Variants in ETFBKMT observed in about 807,000 individuals in gnomAD.
ETFBKMT encodes electron transfer flavoprotein beta subunit lysine methyltransferase.
In ETFBKMT, 13 loss-of-function variants were observed where a neutral mutation model predicts 18.3. That is an observed-to-expected ratio of 0.71 (90% confidence interval 0.46 to 1.13). The LOEUF (loss-of-function observed/expected upper bound fraction) is 1.13, where lower values mean the gene tolerates loss of function less well. Ranked by LOEUF, ETFBKMT falls within the 50% of genes most tolerant of loss-of-function variation. The pLI, the probability that ETFBKMT is intolerant of heterozygous loss-of-function variation, is 0.00. For synonymous variants in ETFBKMT, 84 were observed against 107.9 expected (o/e 0.78, Z 1.37); for missense variants, 293 against 306.2 (o/e 0.96, Z 0.32).
chr12:31,661,691 C>A (rs541898429), intron 1 of ETFBKMT, 150 bp from the exon 2 acceptor site: 111 of 371,894 alleles, frequency 3.0e-4, no homozygotes, highest in African/African-American at 2.2e-3. Flanking sequence ...GAACACCTGA[C>A]CTCGTGATCC....
At position 31,668,363 on chromosome 12, in the gene ETFBKMT, C is replaced by G. The variant is rs1050346363; in HGVS notation, c.*373C>G. The G allele has an allele frequency of 6.2e-6, 1 of 162,098 alleles. No homozygotes were observed. The highest frequency in any genetic ancestry group is 2.5e-5 in the African/African-American group (1 of 40,730). 10.0% of individuals were successfully genotyped at this position (162,098 alleles called of 1,614,324 possible). ...GTGATGTAACTTTGAATTAAACAAA[C>G]AAAACAAAACAGAAGAAGACTATAT... is the stretch of plus-strand genomic sequence containing the variant. On this transcript the variant is annotated 3_prime_UTR_variant, in exon 4 of 4. Coordinates refer to ENST00000357721, the MANE Select transcript of ETFBKMT (RefSeq NM_001135863.2).
chr12:31,655,538 A>C (rs77338948), upstream of ETFBKMT, among the ~76,000 whole-genome samples: 2,800 of 152,318 alleles, frequency 0.018, 33 homozygotes, highest in South Asian at 0.031. Flanking sequence ...TTATCTTCCC[A>C]AGTGCAAAAA....
rs1951214657 is a variant in ETFBKMT at position 31,667,629 on chromosome 12, GC to G, written c.446-17del. On this transcript the variant is annotated splice_polypyrimidine_tract_variant and intron_variant, in intron 3 of 3. Transcript: ENST00000357721. Reference sequence around the variant, plus strand: ...CCTAGCATATACCAATTCATTTTGTGCTTTTTTTTTTTTTAAGTTGCAGGAA... The same window carrying G: ...CCTAGCATATACCAATTCATTTTGTGTTTTTTTTTTTTTAAGTTGCAGGAA... The G allele has an allele frequency of 7.8e-7, 1 of 1,278,202 alleles. No individual in the cohort carries two copies. Among genetic ancestry groups the G allele is most frequent in the Non-Finnish European group, 1.1e-6 (1 of 898,362 alleles). 79.2% of individuals were successfully genotyped at this position (1,278,202 alleles called of 1,614,324 possible). A position where few individuals can be genotyped will look rare whatever the true frequency, so the allele number is the denominator to read the frequency against.
chr12:31,670,972 A>G lies in ETFBKMT; in HGVS notation c.*2982A>G, dbSNP rs1396083746. 6.6e-6 allele frequency: 1 copy of G among 152,204 alleles called. No individual in the cohort carries two copies. Among genetic ancestry groups the G allele is most frequent in the Non-Finnish European group, 1.5e-5 (1 of 68,038 alleles). The allele number at this position is 152,204 out of a possible 1,614,324, so 9.4% of individuals were successfully genotyped here. A position where few individuals can be genotyped will look rare whatever the true frequency, so the allele number is the denominator to read the frequency against. ...GAATACTGGGTACTGGATGGGGTACAGATATTTTAAACAGAGTGGTGAGAA... is the reference window on the plus strand; with the variant it reads ...GAATACTGGGTACTGGATGGGGTACGGATATTTTAAACAGAGTGGTGAGAA... On this transcript the variant is annotated 3_prime_UTR_variant, in exon 4 of 4. Coordinates refer to ENST00000357721, the MANE Select transcript of ETFBKMT (RefSeq NM_001135863.2).
At chr12:31,653,307 T>C (rs1348632047) in intron 1 of ETFBKMT, among the ~76,000 whole-genome samples, 1 of 152,218 alleles carries the variant, frequency 6.6e-6, no homozygotes. Flanking sequence ...TTGTTTTTGC[T>C]TTTACTGTTT....
upstream of ETFBKMT, among the ~76,000 whole-genome samples, chr12:31,654,929 G>A (rs948427006): frequency 4.6e-5 from 7 of 151,930 alleles, no homozygotes; most frequent in African/African-American, 9.7e-5. Context: ...GGTGGTTCAC[G>A]CCTGTAATCC....
chr12:31,651,713 A>C (rs1380664305), intron 1 of ETFBKMT, among the ~76,000 whole-genome samples: 1 of 152,182 alleles, frequency 6.6e-6, no homozygotes, highest in Admixed American at 6.5e-5. Flanking sequence ...CTATACAGAT[A>C]AACTTACTAA....
chr12:31,671,380 C>T lies in ETFBKMT; in HGVS notation c.*3390C>T, dbSNP rs971280869. 4.6e-5 allele frequency: 7 copies of T among 152,186 alleles called. No homozygotes were observed. Among genetic ancestry groups the T allele is most frequent in the African/African-American group, 1.2e-4 (5 of 41,440 alleles). The allele number at this position is 152,186 out of a possible 1,614,324, so 9.4% of individuals were successfully genotyped here. On this transcript the variant is annotated 3_prime_UTR_variant, in exon 4 of 4. Coordinates refer to ENST00000357721, the MANE Select transcript of ETFBKMT (RefSeq NM_001135863.2). ...AGCATACTTACCCCGTTTTTCACTACATCAGAGGCAAAATAAGAAATCTTT... is the reference window on the plus strand; with the variant it reads ...AGCATACTTACCCCGTTTTTCACTATATCAGAGGCAAAATAAGAAATCTTT...
chr12:31,662,410 C>A, intron 2 of ETFBKMT, 143 bp downstream of exon 2: 1 of 717,182 alleles, frequency 1.4e-6, no homozygotes, highest in Non-Finnish European at 2.3e-6. Flanking sequence ...AGGCTGTAAG[C>A]TGTGATCCTG....
chr12:31,651,558 G>A (rs1384326047), intron 1 of ETFBKMT, among the ~76,000 whole-genome samples: 1 of 152,112 alleles, frequency 6.6e-6, no homozygotes, highest in Middle Eastern at 3.2e-3. Context: ...TGGAACTCCT[G>A]ACCTCAGGTG....
intron 2 of ETFBKMT, among the ~76,000 whole-genome samples, chr12:31,664,392 T>C (rs1313387808): frequency 6.6e-6 from 1 of 152,186 alleles, no homozygotes; most frequent in African/African-American, 2.4e-5. Flanking sequence ...TTTTAGTCTT[T>C]GTTTTAGCAG....
upstream of ETFBKMT, among the ~76,000 whole-genome samples, chr12:31,654,870 A>G (rs1165460829): frequency 2.0e-5 from 3 of 152,144 alleles, no homozygotes; most frequent in Non-Finnish European, 2.9e-5. Context: ...AGCCTGGCTA[A>G]CATGGTGAAA....
chr12:31,658,413 A>G (rs1222866325), upstream of ETFBKMT, among the ~76,000 whole-genome samples: 1 of 152,234 alleles, frequency 6.6e-6, no homozygotes, highest in East Asian at 1.9e-4. Flanking sequence ...ACAAGAATGT[A>G]GCAAATACAC....
intron 2 of ETFBKMT, among the ~76,000 whole-genome samples, chr12:31,665,553 C>T (rs946172123): frequency 4.6e-5 from 7 of 151,838 alleles, no homozygotes; most frequent in Non-Finnish European, 1.0e-4. Context: ...CTGGGGAGAC[C>T]CTAACCCAGT....
upstream of ETFBKMT, among the ~76,000 whole-genome samples, chr12:31,654,246 C>T (rs1951041579): frequency 6.6e-6 from 1 of 152,180 alleles, no homozygotes; most frequent in Admixed American, 6.5e-5. Flanking sequence ...GACACGGTTT[C>T]ACCATGTTGG....
In ETFBKMT at chr12:31,661,854, G is replaced by C; in HGVS notation, c.-100G>C. 1 of 1,045,900 alleles carries C rather than the reference G, an allele frequency of 9.6e-7. No individual in the cohort carries two copies. Among genetic ancestry groups the C allele is most frequent in the Non-Finnish European group, 1.4e-6 (1 of 702,400 alleles). 64.8% of individuals were successfully genotyped at this position (1,045,900 alleles called of 1,614,324 possible). ...TTTTTTTTTCAGAGTCAGAGGTTCC[G>C]GTTGAGATCAAGTTGGGAGACACAC... On this transcript the variant is annotated 5_prime_UTR_variant, in exon 2 of 4. Coordinates refer to ENST00000357721, the MANE Select transcript of ETFBKMT (RefSeq NM_001135863.2).
rs1280722134 is a variant in ETFBKMT at position 31,672,468 on chromosome 12, T to C, written c.*4478T>C. On this transcript the variant is annotated 3_prime_UTR_variant, in exon 4 of 4. Coordinates refer to ENST00000357721, the MANE Select transcript of ETFBKMT (RefSeq NM_001135863.2). ...TAACTGGAGGTGATGTTAATTATTA[T>C]ACAGTTATTTAAAGGATTAAAGGAG... 13 of 903,474 alleles carry C rather than the reference T, an allele frequency of 1.4e-5. No individual in the cohort carries two copies. Among genetic ancestry groups the C allele is most frequent in the African/African-American group, 3.3e-5 (2 of 60,280 alleles). The allele number at this position is 903,474 out of a possible 1,614,324, so 56.0% of individuals were successfully genotyped here. A position where few individuals can be genotyped will look rare whatever the true frequency, so the allele number is the denominator to read the frequency against.
chr12:31,661,695 G>A (rs1951126142), intron 1 of ETFBKMT, 146 bp from the exon 2 acceptor site: 6 of 376,402 alleles, frequency 1.6e-5, no homozygotes, highest in Middle Eastern at 7.9e-4. Context: ...ACCTGACCTC[G>A]TGATCCACCC....
upstream of ETFBKMT, among the ~76,000 whole-genome samples, chr12:31,658,834 C>A (rs141350650): frequency 1.3e-5 from 2 of 151,606 alleles, no homozygotes; most frequent in South Asian, 4.2e-4. Flanking sequence ...AAATAAATTG[C>A]TAGTGAATTT....
Sources: gnomAD v4.1 joint callset for allele counts (sites outside exome capture counted in the v4.1 genomes callset) on GRCh38, gnomAD v4.1.1 for gene constraint, MANE v1.5 for transcripts, NCBI Gene and HGNC (gene_info 2026-07-23, HGNC 2026-07-21) for gene names.